AGAP1: variants seen among roughly 807,000 people sequenced by gnomAD.
AGAP1 encodes ArfGAP with GTPase domain, ankyrin repeat and PH domain 1.
AGAP1 carries 29 observed loss-of-function variants against 105.3 expected under a neutral mutation model. The ratio of observed to expected loss-of-function variants is 0.28; its 90% CI spans 0.21 to 0.38. The LOEUF is 0.38. Ranked by LOEUF, AGAP1 falls within the 10% of genes least tolerant of loss-of-function variation. The pLI is 1.00. For synonymous variants in AGAP1, 509 were observed against 485.9 expected, an observed-to-expected ratio of 1.05 and a Z score of -0.63; for missense variants, 998 against 1,165.1, an observed-to-expected ratio of 0.86 and a Z score of 2.09.
At chr2:235,773,053 CAA>C (rs1157432891) in intron 6 of AGAP1, among the ~76,000 whole-genome samples, 2 of 152,112 alleles carry the variant, frequency 1.3e-5, no homozygotes, top group African/African-American at 4.8e-5. Flanking sequence ...AAGAATTGAA[CAA>C]AATGCACAAA....
chr2:235,965,686 C>T lies in AGAP1; in HGVS notation c.1484-2776C>T, dbSNP rs1485462825. Among the ~76,000 whole-genome samples, 1 of 152,110 alleles carries T rather than the reference C, an allele frequency of 6.6e-6. No homozygotes were observed. Among genetic ancestry groups the T allele is most frequent in the East Asian group, 1.9e-4 (1 of 5,178 alleles). On this transcript the variant is annotated intron_variant, in intron 12 of 17. Transcript: ENST00000304032. The surrounding 1 kb of genome is among the most constrained non-coding windows in gnomAD (Gnocchi z 5.8). ...CCTGAACGCATTGCTGAAGGTAGAG[C>T]CTGGAATAGCCCCTGTTGGGTAGTA...
chr2:235,724,571 G>T lies in AGAP1; in HGVS notation c.310+6927G>T, dbSNP rs944615195. ...GTCAGTGCCCTCCCAGATGGAAAAG[G>T]TACCTGCGGTGGTGGGGGGAGGGGG... is the stretch of plus-strand genomic sequence containing the variant. On this transcript the variant is annotated intron_variant, in intron 3 of 17. Transcript: ENST00000304032. The surrounding 1 kb of genome is among the most constrained non-coding windows in gnomAD (Gnocchi z 4.9). 6.6e-6 allele frequency among the ~76,000 whole-genome samples: 1 copy of T among 152,158 alleles called. No homozygotes were observed. The highest frequency in any genetic ancestry group is 2.4e-5 in the African/African-American group (1 of 41,430).
chr2:235,798,958 G>C (rs893446777), intron 7 of AGAP1, among the ~76,000 whole-genome samples: 1 of 150,766 alleles, frequency 6.6e-6, no homozygotes, highest in African/African-American at 2.4e-5. Flanking sequence ...AAAACACTTA[G>C]ATTTTCCAGG....
chr2:235,766,062 G>A (rs1038523530), intron 6 of AGAP1, among the ~76,000 whole-genome samples: 28 of 152,132 alleles, frequency 1.8e-4, no homozygotes, highest in African/African-American at 6.5e-4. Flanking sequence ...TGCACAGTTC[G>A]ATTCTTGTTT....
At chr2:235,955,354 G>A (rs1253228842) in intron 12 of AGAP1, among the ~76,000 whole-genome samples, 1 of 152,118 alleles carries the variant, frequency 6.6e-6, no homozygotes, top group African/African-American at 2.4e-5. Context: ...CGGCTCCAGC[G>A]ACACACAGCT....
At position 236,003,881 on chromosome 2, in the gene AGAP1, C is replaced by T. The variant is rs889304143; in HGVS notation, c.1646-32680C>T. ...TTAAAATGAAAGAATATGAGAAAAC[C>T]CCTAAATAATACATACATGGTATAG... is the stretch of plus-strand genomic sequence containing the variant. On this transcript the variant is annotated intron_variant, in intron 13 of 17. Transcript: ENST00000304032. The surrounding 1 kb of genome is among the most constrained non-coding windows in gnomAD (Gnocchi z 4.2). Among the ~76,000 whole-genome samples, 15 of 151,938 alleles carry T rather than the reference C, an allele frequency of 9.9e-5. No homozygotes were observed. Among genetic ancestry groups the T allele is most frequent in the African/African-American group, 3.4e-4 (14 of 41,332 alleles).
At chr2:235,607,777 G>A (rs1484753159) in intron 1 of AGAP1, among the ~76,000 whole-genome samples, 6 of 152,200 alleles carry the variant, frequency 3.9e-5, no homozygotes, top group Admixed American at 6.5e-5. Flanking sequence ...AGCGGGGCGC[G>A]AGACTGCTGC....
rs1393638135 is a variant in AGAP1 at position 235,906,975 on chromosome 2, C to A, written c.1156-1763C>A. On this transcript the variant is annotated intron_variant, in intron 10 of 17. Transcript: ENST00000304032. This position sits in a 1 kb window ranked among gnomAD's most constrained non-coding sequence, Gnocchi z 5.3. ...AGGTTACAGTGAGCTGAGTTCATGC[C>A]ACTCCACTCCAGCCTGGGCAACAGA... Among the ~76,000 whole-genome samples the A allele has an allele frequency of 6.6e-6, 1 of 152,132 alleles. No homozygotes were observed. Among genetic ancestry groups the A allele is most frequent in the Non-Finnish European group, 1.5e-5 (1 of 68,030 alleles).
chr2:236,100,469 G>A (rs183993419), intron 16 of AGAP1, among the ~76,000 whole-genome samples: 30 of 152,212 alleles, frequency 2.0e-4, no homozygotes, highest in African/African-American at 5.8e-4. Flanking sequence ...CCAAACTTAG[G>A]GGGGAAAAAC....
Position 236,123,843 on chromosome 2 carries a change from C to A in AGAP1, c.2371-76C>A. 1 of 1,566,916 alleles carries A rather than the reference C, an allele frequency of 6.4e-7. No individual in the cohort carries two copies. The highest frequency in any genetic ancestry group is 1.1e-5 in the South Asian group (1 of 87,086). ...TCCAAGCACAAGCCACATGCAAGGG[C>A]TGAGAGAAAGCTTCCCTGCCCCCTC... On this transcript the variant is annotated intron_variant, in intron 17 of 17. Coordinates refer to ENST00000304032, the MANE Select transcript of AGAP1 (RefSeq NM_001037131.3). The surrounding 1 kb of genome is among the most constrained non-coding windows in gnomAD (Gnocchi z 4.6).
At chr2:235,575,683 T>C (rs1944709459) in intron 1 of AGAP1, among the ~76,000 whole-genome samples, 2 of 152,236 alleles carry the variant, frequency 1.3e-5, no homozygotes, top group Non-Finnish European at 2.9e-5. Context: ...AGGGCTGCCG[T>C]AGGGAAAGGT....
At chr2:236,008,574 T>C (rs1366639548) in intron 13 of AGAP1, among the ~76,000 whole-genome samples, 1 of 152,194 alleles carries the variant, frequency 6.6e-6, no homozygotes, top group African/African-American at 2.4e-5. Flanking sequence ...CCTGTACCCT[T>C]GATCTCCACT....
intron 16 of AGAP1, among the ~76,000 whole-genome samples, chr2:236,069,886 T>C (rs1018357803): frequency 6.6e-6 from 1 of 152,274 alleles, no homozygotes; most frequent in Non-Finnish European, 1.5e-5. Context: ...TTTTCTGCCA[T>C]TTTAAAAATT....
chr2:235,545,856 C>A (rs1295383274), intron 1 of AGAP1, among the ~76,000 whole-genome samples: 2 of 152,214 alleles, frequency 1.3e-5, no homozygotes, highest in Non-Finnish European at 2.9e-5. Context: ...CCTCCGATAT[C>A]TGGTGAAGCA....
At chr2:235,911,224 C>T (rs2051594419) in intron 11 of AGAP1, among the ~76,000 whole-genome samples, 1 of 152,002 alleles carries the variant, frequency 6.6e-6, no homozygotes. Context: ...TAACGTGTGC[C>T]TGAGTCACAG....
Position 236,083,639 on chromosome 2 carries a change from TTAAA to T in AGAP1, c.2114+34361_2114+34364del, listed in dbSNP as rs1050214611. 1.3e-5 allele frequency among the ~76,000 whole-genome samples: 2 copies of T among 152,252 alleles called. No homozygotes were observed. Among genetic ancestry groups the T allele is most frequent in the African/African-American group, 4.8e-5 (2 of 41,470 alleles). On this transcript the variant is annotated intron_variant, in intron 16 of 17. Transcript: ENST00000304032. This position sits in a 1 kb window ranked among gnomAD's most constrained non-coding sequence, Gnocchi z 5.3. Reference sequence around the variant, plus strand: ...TTGGGAGGCTTTCTTATGATCATTCTTAAATAGTTTATTGTCTTATAATAATGTG... The same window carrying T: ...TTGGGAGGCTTTCTTATGATCATTCTTAGTTTATTGTCTTATAATAATGTG...
chr2:235,879,567 C>G lies in AGAP1; in HGVS notation c.1051-3778C>G, dbSNP rs1034145946. On this transcript the variant is annotated intron_variant, in intron 9 of 17. Transcript: ENST00000304032. The surrounding 1 kb of genome is among the most constrained non-coding windows in gnomAD (Gnocchi z 5.0). ...GATCTTAAGTTTATTGAGAGTTTTC[C>G]TAGGATCAAAAGAAAATCAGCGTAG... Among the ~76,000 whole-genome samples the G allele has an allele frequency of 1.3e-5, 2 of 152,060 alleles. No individual in the cohort carries two copies. The highest frequency in any genetic ancestry group is 1.3e-4 in the Admixed American group (2 of 15,276).
In AGAP1 at chr2:236,125,687, A is replaced by G. The variant is rs1422407153; in HGVS notation, c.*1565A>G. 6.6e-6 allele frequency: 1 copy of G among 152,234 alleles called. No homozygotes were observed. Among genetic ancestry groups the G allele is most frequent in the Non-Finnish European group, 1.5e-5 (1 of 68,044 alleles). The allele number at this position is 152,234 out of a possible 1,614,324, so 9.4% of individuals were successfully genotyped here. On this transcript the variant is annotated 3_prime_UTR_variant, in exon 18 of 18. Coordinates refer to ENST00000304032, the MANE Select transcript of AGAP1 (RefSeq NM_001037131.3). The surrounding 1 kb of genome is among the most constrained non-coding windows in gnomAD (Gnocchi z 5.2). Reference sequence around the variant, plus strand: ...GGCACAGACTGGCTCCTGAGAACCCAGACGACCTTGACCTGGCAGCCCGGC... The same window carrying G: ...GGCACAGACTGGCTCCTGAGAACCCGGACGACCTTGACCTGGCAGCCCGGC...
intron 13 of AGAP1, among the ~76,000 whole-genome samples, chr2:235,999,652 AGGT>A (rs1303063616): frequency 6.9e-6 from 1 of 145,274 alleles, no homozygotes; most frequent in Non-Finnish European, 1.5e-5. Flanking sequence ...CGATGGTGAG[AGGT>A]GGTGGTGGTG....
Sources: gnomAD v4.1 joint callset for allele counts (sites outside exome capture counted in the v4.1 genomes callset) on GRCh38, gnomAD v4.1.1 for gene constraint, Gnocchi (gnomAD v3.1) non-coding constraint, MANE v1.5 for transcripts, NCBI Gene and HGNC (gene_info 2026-07-23, HGNC 2026-07-21) for gene names.